Variants in MAP4K3 observed in about 807,000 individuals in gnomAD.
The protein encoded by MAP4K3 is MAPK/ERK kinase kinase kinase 3.
In MAP4K3, 94 loss-of-function variants were observed where a neutral mutation model predicts 143.5. That is an observed-to-expected ratio of 0.65 (90% CI 0.55 to 0.78). MAP4K3 has a LOEUF of 0.78. Among genes scored for constraint, MAP4K3 ranks in the 30% least tolerant of loss-of-function variants. The pLI, the probability that MAP4K3 is intolerant of heterozygous loss-of-function variation, is 0.00. For synonymous variants in MAP4K3, 416 were observed against 347.2 expected (o/e 1.20, Z -2.20); for missense variants, 1,077 against 1,068.1 (o/e 1.01, Z -0.12).
At chr2:39,381,825 TC>T (rs1353122402) in intron 1 of MAP4K3, among the ~76,000 whole-genome samples, 5 of 152,188 alleles carry the variant, frequency 3.3e-5, no homozygotes, top group African/African-American at 1.2e-4. Context: ...CACGCTTTGT[TC>T]CAGCTCCCTC....
intron 21 of MAP4K3, among the ~76,000 whole-genome samples, 198 bp downstream of exon 21, chr2:39,286,654 A>T (rs1681790337): frequency 6.6e-6 from 1 of 152,258 alleles, no homozygotes; most frequent in South Asian, 2.1e-4. Context: ...AAAAGCCATC[A>T]TTCAAGTTTA....
intron 24 of MAP4K3, among the ~76,000 whole-genome samples, chr2:39,276,167 C>T (rs116804809): frequency 0.019 from 2,968 of 152,240 alleles, 39 homozygotes; most frequent in East Asian, 0.041. Flanking sequence ...CCACCACGGC[C>T]GGCCTTGTAA....
At chr2:39,398,899 C>G (rs1167620294) in intron 1 of MAP4K3, among the ~76,000 whole-genome samples, 3 of 151,354 alleles carry the variant, frequency 2.0e-5, no homozygotes, top group Non-Finnish European at 4.4e-5. Flanking sequence ...TGAAAATTAG[C>G]CAGGTGTGGT....
chr2:39,299,621 G>T (rs949833641), intron 16 of MAP4K3, 122 bp downstream of exon 16: 1 of 453,782 alleles, frequency 2.2e-6, no homozygotes, highest in Non-Finnish European at 3.9e-6. Flanking sequence ...AAGGTGAAAT[G>T]CATATTGTAA....
chr2:39,366,335 C>T (rs1041058146), intron 2 of MAP4K3, among the ~76,000 whole-genome samples: 3 of 152,046 alleles, frequency 2.0e-5, no homozygotes, highest in African/African-American at 7.2e-5. Flanking sequence ...TTCTGATTGG[C>T]AATTGGTTTA....
intron 1 of MAP4K3, among the ~76,000 whole-genome samples, chr2:39,407,625 G>T (rs1231368448): frequency 6.6e-6 from 1 of 152,072 alleles, no homozygotes; most frequent in African/African-American, 2.4e-5. Context: ...AGGCTGAAGT[G>T]CTGTGGCATG....
At chr2:39,338,543 C>T (rs1224793845) in intron 4 of MAP4K3, among the ~76,000 whole-genome samples, 1 of 152,188 alleles carries the variant, frequency 6.6e-6, no homozygotes, top group Admixed American at 6.5e-5. Context: ...AGAAACTTTA[C>T]ATAAGTGGAA....
chr2:39,375,296 G>C (rs907353961), intron 2 of MAP4K3, among the ~76,000 whole-genome samples: 2 of 152,058 alleles, frequency 1.3e-5, no homozygotes, highest in South Asian at 2.1e-4. Flanking sequence ...AAATGTGAGC[G>C]TAACACCACT....
chr2:39,331,136 C>A (rs542401219), intron 8 of MAP4K3, among the ~76,000 whole-genome samples: 3 of 152,048 alleles, frequency 2.0e-5, no homozygotes, highest in African/African-American at 7.2e-5. Flanking sequence ...AGCTATATGA[C>A]TGCTGATGAG....
intron 22 of MAP4K3, 114 bp downstream of exon 22, chr2:39,282,399 A>ATT: frequency 1.2e-6 from 1 of 842,506 alleles, no homozygotes; most frequent in Non-Finnish European, 1.9e-6. Flanking sequence ...AATCTTATAG[A>ATT]TTTTTTTTCA....
intron 28 of MAP4K3, chr2:39,261,205 A>C (rs1225490946): frequency 6.5e-6 from 1 of 153,572 alleles, no homozygotes; most frequent in Non-Finnish European, 1.4e-5. Flanking sequence ...GCTAATTAGC[A>C]AGAGACACTC....
At chr2:39,294,487 C>T (rs1381757061) in intron 16 of MAP4K3, among the ~76,000 whole-genome samples, 1 of 152,158 alleles carries the variant, frequency 6.6e-6, no homozygotes, top group Non-Finnish European at 1.5e-5. Context: ...CTCCAAGGGC[C>T]AACTCTAAGA....
At chr2:39,273,527 G>T (rs1001962571) in intron 24 of MAP4K3, among the ~76,000 whole-genome samples, 1 of 71,782 alleles carries the variant, frequency 1.4e-5, no homozygotes, top group Non-Finnish European at 5.1e-5. Flanking sequence ...GAATGGAATA[G>T]AGAGGACCCA....
intron 1 of MAP4K3, among the ~76,000 whole-genome samples, chr2:39,417,288 C>T (rs1048252383): frequency 4.7e-5 from 7 of 150,106 alleles, no homozygotes; most frequent in African/African-American, 7.4e-5. Flanking sequence ...GGCACAATCT[C>T]GGCTCACTGC....
chr2:39,329,471 GAAC>G (rs898693221), intron 8 of MAP4K3, among the ~76,000 whole-genome samples: 3 of 152,140 alleles, frequency 2.0e-5, no homozygotes, highest in Admixed American at 6.6e-5. Flanking sequence ...CCAAGGAAAA[GAAC>G]AACAACTAGC....
At chr2:39,433,496 C>T (rs979745206) in intron 1 of MAP4K3, among the ~76,000 whole-genome samples, 2 of 152,172 alleles carry the variant, frequency 1.3e-5, no homozygotes, top group Non-Finnish European at 2.9e-5. Context: ...ATGTGAAAAT[C>T]ATATTATGAT....
chr2:39,421,771 A>G (rs1315314686), intron 1 of MAP4K3, among the ~76,000 whole-genome samples: 1 of 151,842 alleles, frequency 6.6e-6, no homozygotes, highest in Non-Finnish European at 1.5e-5. Flanking sequence ...TTCCTGCATG[A>G]TCTCTTCTTG....
intron 2 of MAP4K3, among the ~76,000 whole-genome samples, chr2:39,369,193 G>GTTTTTTT (rs1553419595): frequency 2.6e-5 from 1 of 37,974 alleles, no homozygotes; most frequent in Non-Finnish European, 7.1e-5. Flanking sequence ...CTTTGGGCTA[G>GTTTTTTT]TTTTTTTTTT....
intron 15 of MAP4K3, among the ~76,000 whole-genome samples, 153 bp downstream of exon 15, chr2:39,307,790 G>A (rs966184684): frequency 6.6e-6 from 1 of 151,776 alleles, no homozygotes; most frequent in African/African-American, 2.4e-5. Context: ...ACTTGTTATG[G>A]GAAAAAACTG....
Sources: allele counts gnomAD v4.1 joint callset (sites outside exome capture counted in the v4.1 genomes callset), GRCh38; gene constraint gnomAD v4.1.1; transcripts MANE v1.5; gene names NCBI Gene and HGNC (gene_info 2026-07-23, HGNC 2026-07-21).